The following ACADL variants were observed in gnomAD, a reference collection of about 807,000 sequenced individuals.
The protein encoded by ACADL is acyl-CoA dehydrogenase long chain, also known as long-chain specific acyl-CoA dehydrogenase, mitochondrial.
Under a neutral mutation model 56.9 loss-of-function variants are expected in ACADL, and 60 were observed. The observed-to-expected ratio is 1.05, with a 90% CI of 0.86 to 1.31. The LOEUF (loss-of-function observed/expected upper bound fraction) is 1.31, where lower values mean the gene tolerates loss of function less well. Among genes scored for constraint, ACADL ranks in the 50% most tolerant of loss-of-function variants. The probability of loss-of-function intolerance (pLI) is 0.00; values close to 1 mark genes in which losing one functional copy is unlikely to be tolerated. For missense variants in ACADL, 484 were observed against 525.5 expected (o/e 0.92, Z 0.77); for synonymous variants, 158 against 179.7 (o/e 0.88, Z 0.97).
chr2:210,216,570 A>G (rs1437494488), intron 3 of ACADL, 59 bp from the exon 4 acceptor site: 7 of 1,480,574 alleles, frequency 4.7e-6, no homozygotes, highest in African/African-American at 2.8e-5. Context: ...AACGACTATT[A>G]TAACAACAAT....
At chr2:210,222,514 A>C (rs1689195118) in intron 1 of ACADL, among the ~76,000 whole-genome samples, 1 of 151,814 alleles carries the variant, frequency 6.6e-6, no homozygotes, top group South Asian at 2.1e-4. Flanking sequence ...CAAACAAAAA[A>C]AAAAAAAAAA....
At chr2:210,196,174 C>T (rs1327117084) in intron 8 of ACADL, among the ~76,000 whole-genome samples, 1 of 152,110 alleles carries the variant, frequency 6.6e-6, no homozygotes, top group East Asian at 1.9e-4. Flanking sequence ...TGCCTGCTAC[C>T]ATGTAAGATG....
intron 8 of ACADL, among the ~76,000 whole-genome samples, chr2:210,196,648 T>C (rs1435515419): frequency 6.6e-6 from 1 of 152,154 alleles, no homozygotes; most frequent in Non-Finnish European, 1.5e-5. Flanking sequence ...GTTCCCACTT[T>C]GGGTAGCTCC....
intron 3 of ACADL, among the ~76,000 whole-genome samples, chr2:210,217,048 AAAAT>A (rs1689099697): frequency 6.9e-6 from 1 of 145,116 alleles, no homozygotes; most frequent in African/African-American, 2.6e-5. Flanking sequence ...TTAAAATTTA[AAAAT>A]AAATTATATG....
intron 8 of ACADL, among the ~76,000 whole-genome samples, chr2:210,197,792 C>G (rs1688733226): frequency 6.6e-6 from 1 of 152,172 alleles, no homozygotes; most frequent in Non-Finnish European, 1.5e-5. Context: ...CTTCTAGAAG[C>G]TGAAGTAAAA....
At chr2:210,211,351 A>G (rs1306544956) in intron 4 of ACADL, among the ~76,000 whole-genome samples, 2 of 152,198 alleles carry the variant, frequency 1.3e-5, no homozygotes, top group African/African-American at 4.8e-5. Flanking sequence ...AATAAACAGC[A>G]GAGTGTATAA....
chr2:210,224,599 G>C (rs1689235499), intron 1 of ACADL: 1 of 985,392 alleles, frequency 1.0e-6, no homozygotes, highest in Non-Finnish European at 1.2e-6. Context: ...TATTTAGTTA[G>C]ATTTGTTGAT....
At chr2:210,200,632 T>C (rs1158966573) in intron 8 of ACADL, among the ~76,000 whole-genome samples, 2 of 152,242 alleles carry the variant, frequency 1.3e-5, no homozygotes, top group African/African-American at 2.4e-5. Context: ...TGATTGAGTG[T>C]ACCTCATTTT....
intron 1 of ACADL, chr2:210,224,224 CAAAA>C (rs34460820): frequency 1.3e-4 from 9 of 67,426 alleles, no homozygotes; most frequent in Non-Finnish European, 2.3e-4. Flanking sequence ...GACTCTGTCT[CAAAA>C]AAAAAAAAAA....
At chr2:210,212,271 G>A (rs1688996205) in intron 4 of ACADL, among the ~76,000 whole-genome samples, 1 of 152,082 alleles carries the variant, frequency 6.6e-6, no homozygotes, top group Non-Finnish European at 1.5e-5. Flanking sequence ...AGGATGTTGT[G>A]ATAGAGAGAC....
At chr2:210,220,894 C>CTGTG in intron 1 of ACADL, 92 bp from the exon 2 acceptor site, 1 of 1,079,518 alleles carries the variant, frequency 9.3e-7, no homozygotes, top group Non-Finnish European at 1.3e-6. Context: ...ATTTCTTTCA[C>CTGTG]AGAGAAACTT....
At chr2:210,195,482 G>A in intron 8 of ACADL, 144 bp from the exon 9 acceptor site, 5 of 889,286 alleles carry the variant, frequency 5.6e-6, no homozygotes, top group Non-Finnish European at 8.7e-6. Context: ...CATAAAAATG[G>A]CATTTGTTAC....
intron 8 of ACADL, among the ~76,000 whole-genome samples, chr2:210,198,381 A>C (rs966334730): frequency 6.6e-6 from 1 of 152,172 alleles, no homozygotes. Flanking sequence ...AGGTCTTAAA[A>C]ACTGGATATT....
chr2:210,209,359 CT>C (rs1308350623), intron 5 of ACADL, among the ~76,000 whole-genome samples: 1 of 152,084 alleles, frequency 6.6e-6, no homozygotes, highest in East Asian at 1.9e-4. Flanking sequence ...ATCACTTGCC[CT>C]CAGTGATATC....
At chr2:210,214,485 A>AAGAAAGAAAGAAAGAAAG (rs1426367248) in intron 4 of ACADL, among the ~76,000 whole-genome samples, 2 of 149,352 alleles carry the variant, frequency 1.3e-5, no homozygotes, top group Non-Finnish European at 2.9e-5. Flanking sequence ...GAAAGAAAGA[A>AAGAAAGAAAGAAAGAAAG]AGAAAGAAAG....
At position 210,195,358 on chromosome 2, in the gene ACADL, AAAG is replaced by A; in HGVS notation, c.985-23_985-21del. ...CACTGTCTTGAATTTAAAGGAAATA[AAAG>A]AAAAAAGTGAGCATGGTAGAAATAT... On this transcript the variant is annotated intron_variant, in intron 8 of 10. Coordinates refer to ENST00000233710, the MANE Select transcript of ACADL (RefSeq NM_001608.4). The A allele has an allele frequency of 6.2e-7, 1 of 1,604,264 alleles. No homozygotes were observed. The highest frequency in any genetic ancestry group is 1.1e-5 in the South Asian group (1 of 90,894).
chr2:210,208,279 GA>G (rs1201578630), intron 5 of ACADL, among the ~76,000 whole-genome samples: 1 of 152,216 alleles, frequency 6.6e-6, no homozygotes, highest in African/African-American at 2.4e-5. Context: ...TTAATATGCT[GA>G]GCTCAATTTG....
At position 210,218,037 on chromosome 2, in the gene ACADL, C is replaced by A; in HGVS notation, c.299G>T (p.Gly100Val). The A allele has an allele frequency of 1.2e-6, 2 of 1,614,042 alleles. No homozygotes were observed. The highest frequency in any genetic ancestry group is 1.7e-5 in the Admixed American group (1 of 59,984). ...WEKAGKQGLL[G>V]VNIAEHLGGI... ...ACCAAGATGCTCTGCAATATTGACA[C>A]CAAGCAGTCCTTGTTTTCCAGCTTT... The change falls in exon 3 of 11, where the codon GGT becomes GTT. Residue 100 changes from glycine (G) to valine (V), a missense_variant. Physicochemically the swap from Gly to Val is moderately radical, Grantham distance 109. Coordinates refer to ENST00000233710, the MANE Select transcript of ACADL (RefSeq NM_001608.4).
chr2:210,197,907 G>C (rs938416903), intron 8 of ACADL, among the ~76,000 whole-genome samples: 1 of 152,184 alleles, frequency 6.6e-6, no homozygotes, highest in African/African-American at 2.4e-5. Flanking sequence ...TTTACTCTCT[G>C]AGGATAAAAA....
Sources: gnomAD v4.1 joint callset for allele counts (sites outside exome capture counted in the v4.1 genomes callset) on GRCh38, gnomAD v4.1.1 for gene constraint, MANE v1.5 for transcripts, NCBI Gene and HGNC (gene_info 2026-07-23, HGNC 2026-07-21) for gene names.